Variants in ROBO2 observed in about 807,000 individuals in gnomAD.
ROBO2 encodes the protein roundabout homolog 2.
A neutral mutation model predicts 160.8 loss-of-function variants in ROBO2; 53 were observed. That is an observed-to-expected ratio of 0.33 (90% CI 0.26 to 0.41). ROBO2 has a LOEUF of 0.41. Ranked by LOEUF, ROBO2 falls within the 10% of genes least tolerant of loss-of-function variation. ROBO2 has a pLI of 1.00. For synonymous variants in ROBO2, 664 were observed against 611.7 expected, an observed-to-expected ratio of 1.09 and a Z score of -1.26; for missense variants, 1,577 against 1,722.4, an observed-to-expected ratio of 0.92 and a Z score of 1.49.
intron 2 of ROBO2, among the ~76,000 whole-genome samples, chr3:76,350,034 G>T (rs552930890): frequency 6.6e-6 from 1 of 152,106 alleles, no homozygotes; most frequent in South Asian, 2.1e-4. Flanking sequence ...TCAAAAGATA[G>T]TTTGAAACAA....
chr3:77,175,706 A>G (rs760319468), intron 2 of ROBO2, among the ~76,000 whole-genome samples: 16 of 152,000 alleles, frequency 1.1e-4, no homozygotes, highest in Non-Finnish European at 1.6e-4. Flanking sequence ...GGATAGTCAT[A>G]GATCAAGGCA....
chr3:77,112,410 A>G (rs1381076784), intron 2 of ROBO2, among the ~76,000 whole-genome samples: 1 of 151,656 alleles, frequency 6.6e-6, no homozygotes, highest in Non-Finnish European at 1.5e-5. Flanking sequence ...CGCCTGGGTA[A>G]TTTTTGTATT....
At chr3:77,562,429 C>T (rs2093351690) in intron 9 of ROBO2, among the ~76,000 whole-genome samples, 1 of 151,914 alleles carries the variant, frequency 6.6e-6, no homozygotes, top group Admixed American at 6.6e-5. Flanking sequence ...CATTGAGGTG[C>T]ATAAATATTA....
At chr3:77,215,997 G>T (rs1439960359) in intron 2 of ROBO2, among the ~76,000 whole-genome samples, 1 of 152,144 alleles carries the variant, frequency 6.6e-6, no homozygotes, top group African/African-American at 2.4e-5. Context: ...ACTACTGGGG[G>T]GTGCCTCCCA....
chr3:77,563,798 A>G (rs1466925988), intron 11 of ROBO2, among the ~76,000 whole-genome samples: 2 of 152,146 alleles, frequency 1.3e-5, no homozygotes, highest in African/African-American at 4.8e-5. Flanking sequence ...CATCTATTAG[A>G]TATGCCTGAG....
At chr3:77,092,008 T>TAAATA in intron 1 of ROBO2, 1 of 149,956 alleles carries the variant, frequency 6.7e-6, no homozygotes, top group South Asian at 2.1e-4. Context: ...AATAAATAAA[T>TAAATA]AAATAAATAA....
chr3:76,564,754 C>T (rs987057182), intron 2 of ROBO2, among the ~76,000 whole-genome samples: 4 of 152,170 alleles, frequency 2.6e-5, no homozygotes, highest in African/African-American at 9.7e-5. Context: ...TTTTCTAATG[C>T]AGGAAATTGA....
intron 2 of ROBO2, among the ~76,000 whole-genome samples, chr3:76,616,867 C>A (rs796992413): frequency 3.3e-5 from 5 of 152,154 alleles, no homozygotes; most frequent in African/African-American, 1.2e-4. Context: ...CCCAAGTGAT[C>A]CTCCTGCCTT....
Position 77,481,079 on chromosome 3 carries a change from T to C in ROBO2, c.547-20T>C. 1 of 1,604,314 alleles carries C rather than the reference T, an allele frequency of 6.2e-7. No homozygotes were observed. The highest frequency in any genetic ancestry group is 1.1e-5 in the South Asian group (1 of 90,836). On this transcript the variant is annotated intron_variant, in intron 3 of 25. Transcript: ENST00000461745. Reference sequence around the variant, plus strand: ...TTCCTTTTTCTTCCCTTCTCTTTTCTTTTTGTTTGATTTTAACAGATCCGT... The same window carrying C: ...TTCCTTTTTCTTCCCTTCTCTTTTCCTTTTGTTTGATTTTAACAGATCCGT...
chr3:76,835,172 C>T (rs2067573002), intron 2 of ROBO2, among the ~76,000 whole-genome samples: 1 of 151,760 alleles, frequency 6.6e-6, no homozygotes, highest in Admixed American at 6.6e-5. Flanking sequence ...CTCTTCTCAT[C>T]TTTAAAACTG....
intron 2 of ROBO2, among the ~76,000 whole-genome samples, chr3:76,303,992 A>G (rs2071198263): frequency 6.6e-6 from 1 of 152,218 alleles, no homozygotes; most frequent in Non-Finnish European, 1.5e-5. Context: ...AAATATTTAA[A>G]CTATTTCTCG....
At chr3:77,328,181 C>G (rs1480730531) in intron 2 of ROBO2, among the ~76,000 whole-genome samples, 1 of 151,968 alleles carries the variant, frequency 6.6e-6, no homozygotes, top group Non-Finnish European at 1.5e-5. Flanking sequence ...CTTCCTCTTC[C>G]CTCCCAAAAT....
At chr3:76,961,723 G>A (rs1175124556) in intron 2 of ROBO2, among the ~76,000 whole-genome samples, 1 of 152,112 alleles carries the variant, frequency 6.6e-6, no homozygotes, top group Non-Finnish European at 1.5e-5. Flanking sequence ...AGCTTAAGGT[G>A]TACATAACTT....
chr3:76,461,678 C>T (rs553192577), intron 2 of ROBO2, among the ~76,000 whole-genome samples: 1 of 152,268 alleles, frequency 6.6e-6, no homozygotes, highest in East Asian at 1.9e-4. Context: ...TTTACAAATT[C>T]TTCAAAGCTC....
intron 2 of ROBO2, among the ~76,000 whole-genome samples, chr3:76,565,851 G>C (rs1021808900): frequency 1.1e-4 from 16 of 152,156 alleles, no homozygotes; most frequent in Admixed American, 2.6e-4. Context: ...GTCTCCAGGA[G>C]TTGTTAGTCA....
At chr3:76,227,689 C>G (rs1704372762) in intron 2 of ROBO2, among the ~76,000 whole-genome samples, 1 of 152,124 alleles carries the variant, frequency 6.6e-6, no homozygotes, top group Non-Finnish European at 1.5e-5. Context: ...TACTACTTGG[C>G]TATCTAAGGT....
chr3:76,822,665 A>G (rs907824177), intron 2 of ROBO2, among the ~76,000 whole-genome samples: 1 of 151,776 alleles, frequency 6.6e-6, no homozygotes, highest in Non-Finnish European at 1.5e-5. Flanking sequence ...TTTACAAATA[A>G]TATAGTAGGA....
chr3:76,928,626 C>T (rs187418346), intron 2 of ROBO2, among the ~76,000 whole-genome samples: 42 of 152,192 alleles, frequency 2.8e-4, no homozygotes, highest in African/African-American at 9.4e-4. Flanking sequence ...CCGACTCCAT[C>T]CTTTTAAATT....
At chr3:77,328,878 T>G (rs1445418953) in intron 2 of ROBO2, among the ~76,000 whole-genome samples, 1 of 152,196 alleles carries the variant, frequency 6.6e-6, no homozygotes, top group African/African-American at 2.4e-5. Flanking sequence ...GTGAAAAATT[T>G]AAGAGCATAT....
Sources: gnomAD v4.1 joint callset for allele counts (sites outside exome capture counted in the v4.1 genomes callset) on GRCh38, gnomAD v4.1.1 for gene constraint, MANE v1.5 for transcripts, NCBI Gene and HGNC (gene_info 2026-07-23, HGNC 2026-07-21) for gene names.